Variants in DNAH6 observed in about 807,000 individuals in gnomAD.
The protein encoded by DNAH6 is axonemal beta dynein heavy chain 6.
A neutral mutation model predicts 491.4 loss-of-function variants in DNAH6; 340 were observed. That is an observed-to-expected ratio of 0.69 (90% confidence interval 0.63 to 0.76). The LOEUF (loss-of-function observed/expected upper bound fraction) is 0.76. Among genes scored for constraint, DNAH6 ranks in the 30% least tolerant of loss-of-function variants. The pLI is 0.00. For missense variants in DNAH6, 4,443 were observed against 4,972.2 expected, an observed-to-expected ratio of 0.89 and a Z score of 3.20; for synonymous variants, 1,603 against 1,686.1, an observed-to-expected ratio of 0.95 and a Z score of 1.21.
At chr2:84,482,298 G>T in the DNAH6 span, among the ~76,000 whole-genome samples, 3 of 152,210 alleles carry the variant, frequency 2.0e-5, no homozygotes, top group Middle Eastern at 3.2e-3. Flanking sequence ...CTCAAGGAAG[G>T]TCCTTGGCAA....
rs149625048 is a variant in DNAH6, at chr2:84,698,950, C to T, written c.7678-644C>T. On this transcript the variant is annotated intron_variant, in intron 47 of 76. Coordinates refer to ENST00000389394, the MANE Select transcript of DNAH6 (RefSeq NM_001370.2). ...TAATGCAGAAACAGAAAACCAAATA[C>T]CACCTGTTCTCACTTATAGCTAAAC... Among the ~76,000 whole-genome samples, 2 of 152,174 alleles carry T rather than the reference C, an allele frequency of 1.3e-5. 1 individual carries two copies. Among genetic ancestry groups the T allele is most frequent in the East Asian group, 3.9e-4 (2 of 5,190 alleles).
At chr2:84,711,166 C>T (rs1276392740) in intron 56 of DNAH6, among the ~76,000 whole-genome samples, 1 of 152,106 alleles carries the variant, frequency 6.6e-6, no homozygotes, top group Non-Finnish European at 1.5e-5. Flanking sequence ...AATGGATAGG[C>T]CACCAAGGCT....
At chr2:84,514,867 T>A (rs373392378), upstream of DNAH6, among the ~76,000 whole-genome samples, 2 of 139,006 alleles carry the variant, frequency 1.4e-5, no homozygotes, top group African/African-American at 2.8e-5. Context: ...TTCACCACAG[T>A]CACACACACA....
intron 10 of DNAH6, 136 bp from the exon 11 acceptor site, chr2:84,557,599 G>A (rs1680173838): frequency 1.4e-5 from 3 of 207,118 alleles, no homozygotes; most frequent in African/African-American, 2.7e-5. Context: ...GCAGTGAGCC[G>A]AGATTGCGCC....
intron 65 of DNAH6, 141 bp from the exon 66 acceptor site, chr2:84,784,581 A>G (rs1269462048): frequency 6.6e-6 from 4 of 607,688 alleles, no homozygotes; most frequent in Non-Finnish European, 1.2e-5. Context: ...AGTTTACACT[A>G]TACTTGTAAT....
chr2:84,697,323 G>T (rs967922321), intron 46 of DNAH6, among the ~76,000 whole-genome samples: 3 of 152,110 alleles, frequency 2.0e-5, no homozygotes, highest in African/African-American at 7.2e-5. Flanking sequence ...ACTGAAAGGG[G>T]CAGAATATAA....
the DNAH6 span, among the ~76,000 whole-genome samples, chr2:84,493,104 AT>A: frequency 6.6e-6 from 1 of 152,058 alleles, no homozygotes; most frequent in African/African-American, 2.4e-5. Flanking sequence ...TTTATTTACT[AT>A]TTTAAAGGGG....
rs750945657 is a variant in DNAH6, at chr2:84,670,491, TTA to T, written c.6454+17_6454+18del. On this transcript the variant is annotated intron_variant, in intron 39 of 76. Coordinates refer to ENST00000389394, the MANE Select transcript of DNAH6 (RefSeq NM_001370.2). The stretch of plus-strand genomic sequence containing the variant: ...AATATTCTAGGTAAGAATCATTATT[TTA>T]GTTTGTCCCACACAAATTATTCATT... The T allele has an allele frequency of 1.4e-5, 21 of 1,470,202 alleles. No homozygotes were observed. Among genetic ancestry groups the T allele is most frequent in the Non-Finnish European group, 1.3e-5 (14 of 1,087,462 alleles). 91.1% of individuals were successfully genotyped at this position (1,470,202 alleles called of 1,614,324 possible). A position where few individuals can be genotyped will look rare whatever the true frequency, so the allele number is the denominator to read the frequency against.
the DNAH6 span, among the ~76,000 whole-genome samples, chr2:84,470,270 C>T: frequency 6.6e-6 from 1 of 152,184 alleles, no homozygotes; most frequent in South Asian, 2.1e-4. Flanking sequence ...GGTCCCAATC[C>T]AGACCCCAAG....
At chr2:84,522,811 A>T (rs1488025004) in intron 2 of DNAH6, among the ~76,000 whole-genome samples, 19 of 152,138 alleles carry the variant, frequency 1.2e-4, no homozygotes, top group Admixed American at 1.2e-3. Flanking sequence ...CTCAGGGATA[A>T]AGCCTAATTG....
At chr2:84,482,826 C>G in the DNAH6 span, among the ~76,000 whole-genome samples, 1 of 152,214 alleles carries the variant, frequency 6.6e-6, no homozygotes, top group East Asian at 1.9e-4. Context: ...GGAAGCCTTC[C>G]ATGCCTCCTT....
chr2:84,513,375 T>G (rs1422508431), upstream of DNAH6, among the ~76,000 whole-genome samples: 1 of 152,180 alleles, frequency 6.6e-6, no homozygotes, highest in Non-Finnish European at 1.5e-5. Flanking sequence ...TAAACTATTA[T>G]TTAAAGACTG....
chr2:84,784,735 G>T lies in DNAH6; in HGVS notation c.10878G>T (p.Lys3626Asn). 6.5e-7 allele frequency: 1 copy of T among 1,549,126 alleles called. No homozygotes were observed. Among genetic ancestry groups the T allele is most frequent in the Non-Finnish European group, 8.7e-7 (1 of 1,144,898 alleles). ...KTFTDPDSAI[K>N]DTFRLFLSSM... ...TGTTTTAAGCAGATAGTGCTATCAA[G>T]GACACTTTTCGACTTTTTTTAAGCT... Residue 3626 changes from lysine to asparagine, a missense_variant, in exon 66 of 77, where the codon AAG becomes AAT. Lys to Asn is a moderately conservative substitution (Grantham distance 94). Coordinates refer to ENST00000389394, the MANE Select transcript of DNAH6 (RefSeq NM_001370.2).
intron 74 of DNAH6, 42 bp from the exon 75 acceptor site, chr2:84,813,929 C>T: frequency 6.5e-7 from 1 of 1,546,030 alleles, no homozygotes; most frequent in Non-Finnish European, 8.8e-7. Flanking sequence ...TGGGGAGTAG[C>T]AGTGTTGTTT....
chr2:84,597,285 CAAAT>C (rs545375072), intron 18 of DNAH6, among the ~76,000 whole-genome samples: 10 of 152,138 alleles, frequency 6.6e-5, no homozygotes, highest in Non-Finnish European at 1.0e-4. Context: ...AATAAAAAGA[CAAAT>C]AACCCTTTAA....
chr2:84,523,039 A>G (rs867988035), intron 2 of DNAH6, among the ~76,000 whole-genome samples: 4 of 152,028 alleles, frequency 2.6e-5, no homozygotes, highest in Non-Finnish European at 5.9e-5. Flanking sequence ...TTCAGTAGGA[A>G]TGGTACCAGC....
chr2:84,614,879 T>C lies in DNAH6; in HGVS notation c.3476-2007T>C, dbSNP rs945285652. 2.6e-5 allele frequency among the ~76,000 whole-genome samples: 4 copies of C among 152,144 alleles called. No homozygotes were observed. In the South Asian group the frequency reaches 8.3e-4, roughly 32 times the overall value. On this transcript the variant is annotated intron_variant, in intron 22 of 76. Coordinates refer to ENST00000389394, the MANE Select transcript of DNAH6 (RefSeq NM_001370.2). ...TCACTTTTTGAAGGGATTGTTTGTT[T>C]TTTTCTTGCTGATTTGAGTTCCTTG...
chr2:84,728,468 C>G (rs1698846523), intron 61 of DNAH6, among the ~76,000 whole-genome samples: 1 of 152,178 alleles, frequency 6.6e-6, no homozygotes, highest in African/African-American at 2.4e-5. Flanking sequence ...TGTAATGTAT[C>G]ATTTAACCTC....
At chr2:84,648,854 A>T (rs1690144401) in intron 33 of DNAH6, among the ~76,000 whole-genome samples, 4 of 152,274 alleles carry the variant, frequency 2.6e-5, no homozygotes, top group Admixed American at 2.6e-4. Flanking sequence ...AACTGACTTC[A>T]ATTTTGAAAG....
Sources: allele counts gnomAD v4.1 joint callset (sites outside exome capture counted in the v4.1 genomes callset), GRCh38; gene constraint gnomAD v4.1.1; transcripts MANE v1.5; gene names NCBI Gene and HGNC (gene_info 2026-07-23, HGNC 2026-07-21).